The following CHRNA7 variants were observed in gnomAD, a reference collection of about 807,000 sequenced individuals.
The protein encoded by CHRNA7 is neuronal acetylcholine receptor subunit alpha-7.
A neutral mutation model predicts 48.0 loss-of-function variants in CHRNA7; 17 were observed. That is an observed-to-expected ratio of 0.35 (90% confidence interval 0.24 to 0.53). The LOEUF (loss-of-function observed/expected upper bound fraction) is 0.53. CHRNA7 is among the 20% of genes least tolerant of loss of function. The probability of loss-of-function intolerance (pLI) is 0.92; values close to 1 mark genes in which losing one functional copy is unlikely to be tolerated. For synonymous variants in CHRNA7, 75 were observed against 242.3 expected, an observed-to-expected ratio of 0.31 and a Z score of 6.41; for missense variants, 155 against 577.7, an observed-to-expected ratio of 0.27 and a Z score of 7.50.
In CHRNA7 at chr15:32,030,581, C is replaced by T. The variant is rs780650082; in HGVS notation, c.-14C>T. The T allele has an allele frequency of 3.9e-6, 6 of 1,521,198 alleles. No individual in the cohort carries two copies. In the Admixed American group the frequency reaches 6.0e-5, roughly 15 times the overall value. 94.2% of individuals were successfully genotyped at this position (1,521,198 alleles called of 1,614,324 possible). On this transcript the variant is annotated 5_prime_UTR_variant, in exon 1 of 10. Coordinates refer to ENST00000306901, the MANE Select transcript of CHRNA7 (RefSeq NM_000746.6). The stretch of plus-strand genomic sequence containing the variant: ...CGTGGAGCGCGCCGGCTCGCTGCAG[C>T]TCCGGGACTCAACATGCGCTGCTCG...
intron 2 of CHRNA7, among the ~76,000 whole-genome samples, chr15:32,071,014 A>T (rs1015139945): frequency 6.6e-6 from 1 of 151,806 alleles, no homozygotes; most frequent in Non-Finnish European, 1.5e-5. Flanking sequence ...TCGATGTCCG[A>T]TTGCTGCAGC....
At chr15:32,150,122 G>A (rs1212159920) in intron 4 of CHRNA7, among the ~76,000 whole-genome samples, 1 of 152,166 alleles carries the variant, frequency 6.6e-6, no homozygotes, top group Non-Finnish European at 1.5e-5. Context: ...TGCAAACATA[G>A]CTCACTGCAG....
chr15:32,047,051 C>T (rs1345954870), intron 2 of CHRNA7, among the ~76,000 whole-genome samples: 1 of 134,442 alleles, frequency 7.4e-6, no homozygotes. Flanking sequence ...GTACCAGTAC[C>T]ATGCTGTTTG....
At chr15:32,091,635 T>C (rs1313817069) in intron 2 of CHRNA7, among the ~76,000 whole-genome samples, 1 of 152,186 alleles carries the variant, frequency 6.6e-6, no homozygotes, top group Non-Finnish European at 1.5e-5. Flanking sequence ...TCCTGGACCA[T>C]GCTGGTAGAA....
intron 2 of CHRNA7, 28 bp from the exon 3 acceptor site, chr15:32,101,275 T>G (rs2050565912): frequency 6.5e-7 from 1 of 1,534,780 alleles, no homozygotes; most frequent in Admixed American, 2.1e-5. Context: ...ATATTATTTA[T>G]GCTGCTGCTT....
rs1052547221 is a variant in CHRNA7, at chr15:32,149,576, C to T, written c.351-4331C>T. The stretch of plus-strand genomic sequence containing the variant: ...AGCACAAATCCATTACAAGAGTTTA[C>T]TTTTATACTATGTACTTATAAAATC... On this transcript the variant is annotated intron_variant, in intron 4 of 9. Coordinates refer to ENST00000306901, the MANE Select transcript of CHRNA7 (RefSeq NM_000746.6). The surrounding 1 kb of genome is among the most constrained non-coding windows in gnomAD (Gnocchi z 4.6). 1.3e-5 allele frequency among the ~76,000 whole-genome samples: 2 copies of T among 152,150 alleles called. No individual in the cohort carries two copies. The highest frequency in any genetic ancestry group is 2.9e-5 in the Non-Finnish European group (2 of 68,024).
chr15:32,116,790 G>T (rs576413651), intron 4 of CHRNA7, among the ~76,000 whole-genome samples: 94 of 152,290 alleles, frequency 6.2e-4, no homozygotes, highest in African/African-American at 2.2e-3. Flanking sequence ...AATCTTTTTT[G>T]ATGAAGATAT....
intron 7 of CHRNA7, chr15:32,159,064 A>G (rs1005481415): frequency 2.8e-4 from 60 of 212,920 alleles, no homozygotes; most frequent in Admixed American, 7.8e-4. Context: ...GAGTTTCCCA[A>G]TGTCTTAAAG....
intron 4 of CHRNA7, among the ~76,000 whole-genome samples, chr15:32,118,523 G>C (rs2050911454): frequency 6.6e-6 from 1 of 152,170 alleles, no homozygotes; most frequent in African/African-American, 2.4e-5. Flanking sequence ...GCAGCAGCTT[G>C]TTTTAAAGCA....
In CHRNA7 at chr15:32,113,423, T is replaced by C. The variant is rs146347906; in HGVS notation, c.350+1524T>C. ...GGTATTAGGATTTCAACATGTGAGTTTGAGGGAGATGCAACTCAGTCCATA... is the reference window on the plus strand; with the variant it reads ...GGTATTAGGATTTCAACATGTGAGTCTGAGGGAGATGCAACTCAGTCCATA... On this transcript the variant is annotated intron_variant, in intron 4 of 9. Coordinates refer to ENST00000306901, the MANE Select transcript of CHRNA7 (RefSeq NM_000746.6). 3.9e-3 allele frequency among the ~76,000 whole-genome samples: 597 copies of C among 152,306 alleles called. 1 individual carries two copies. In the Middle Eastern group the frequency reaches 0.044, roughly 11 times the overall value.
intron 2 of CHRNA7, among the ~76,000 whole-genome samples, chr15:32,055,306 C>A (rs1418883527): frequency 1.3e-5 from 2 of 151,616 alleles, no homozygotes; most frequent in African/African-American, 2.4e-5. Context: ...CAGATATAAA[C>A]CCGTAGTCAT....
intron 3 of CHRNA7, among the ~76,000 whole-genome samples, chr15:32,107,188 G>A (rs960366204): frequency 2.6e-5 from 4 of 152,128 alleles, no homozygotes; most frequent in Admixed American, 6.5e-5. Flanking sequence ...GCAACTGGGG[G>A]TCCACCAATT....
chr15:32,101,008 G>A (rs2050561557), intron 2 of CHRNA7: 1 of 323,818 alleles, frequency 3.1e-6, no homozygotes, highest in African/African-American at 2.1e-5. Context: ...AAGATAAATA[G>A]CTAAATCATT....
chr15:32,120,417 G>GTTTTCTTTTCTTTTC (rs61075775), intron 4 of CHRNA7, among the ~76,000 whole-genome samples: 31 of 151,886 alleles, frequency 2.0e-4, no homozygotes, highest in Admixed American at 1.7e-3. Context: ...CTGCTGTGGG[G>GTTTTCTTTTCTTTTC]TTTTCTTTTC....
Position 32,155,540 on chromosome 15 carries a change from TTC to T in CHRNA7, c.430+1556_430+1557del, listed in dbSNP as rs1264326507. The stretch of plus-strand genomic sequence containing the variant: ...TCTCGCCAGGCCTGCGTGTTGCAGC[TTC>T]TGTTATGAGGGCTATTTTAGAAAAC... On this transcript the variant is annotated intron_variant, in intron 5 of 9. Coordinates refer to ENST00000306901, the MANE Select transcript of CHRNA7 (RefSeq NM_000746.6). Among the ~76,000 whole-genome samples, 19 of 65,786 alleles carry T rather than the reference TTC, an allele frequency of 2.9e-4. 1 individual carries two copies. The highest frequency in any genetic ancestry group is 1.6e-3 in the Admixed American group (11 of 6,724). The allele number at this position is 65,786 out of a possible 152,430, so 43.2% of individuals were successfully genotyped here.
At chr15:32,127,983 T>A (rs2051096970) in intron 4 of CHRNA7, among the ~76,000 whole-genome samples, 1 of 152,048 alleles carries the variant, frequency 6.6e-6, no homozygotes, top group South Asian at 2.1e-4. Context: ...TGATGTCAAT[T>A]TTTGGTATGA....
At chr15:32,126,092 A>G (rs2051061843) in intron 4 of CHRNA7, among the ~76,000 whole-genome samples, 1 of 152,114 alleles carries the variant, frequency 6.6e-6, no homozygotes, top group African/African-American at 2.4e-5. Context: ...TCATTTTCCC[A>G]GGGATGCATT....
chr15:32,031,380 C>G (rs1901832213), intron 2 of CHRNA7, among the ~76,000 whole-genome samples: 1 of 152,230 alleles, frequency 6.6e-6, no homozygotes. Context: ...TTTTAATCTC[C>G]CTTATGGTGT....
chr15:32,145,054 T>G (rs1468812443), intron 4 of CHRNA7, among the ~76,000 whole-genome samples: 2 of 152,250 alleles, frequency 1.3e-5, no homozygotes, highest in African/African-American at 4.8e-5. Context: ...TGTGGTTTTA[T>G]CTACCTTTGG....
Sources: allele counts gnomAD v4.1 joint callset (sites outside exome capture counted in the v4.1 genomes callset), GRCh38; gene constraint gnomAD v4.1.1; non-coding constraint Gnocchi (gnomAD v3.1); transcripts MANE v1.5; gene names NCBI Gene and HGNC (gene_info 2026-07-23, HGNC 2026-07-21).